ERBB4: variants seen among roughly 807,000 people sequenced by gnomAD.
ERBB4 encodes receptor tyrosine-protein kinase erbB-4.
Under a neutral mutation model 158.0 loss-of-function variants are expected in ERBB4, and 42 were observed. That is an observed-to-expected ratio of 0.27 (90% confidence interval 0.21 to 0.34). The LOEUF is 0.34. Ranked by LOEUF, ERBB4 falls within the 10% of genes least tolerant of loss-of-function variation. ERBB4 has a pLI of 1.00. For synonymous variants in ERBB4, 583 were observed against 558.7 expected (o/e 1.04, Z -0.61); for missense variants, 1,333 against 1,624.1 (o/e 0.82, Z 3.08).
chr2:212,362,811 T>C (rs1454727682), intron 1 of ERBB4, among the ~76,000 whole-genome samples: 2 of 151,164 alleles, frequency 1.3e-5, no homozygotes, highest in Non-Finnish European at 3.0e-5. Flanking sequence ...TAAATACTTC[T>C]TTCATAAAAA....
intron 3 of ERBB4, among the ~76,000 whole-genome samples, chr2:211,936,112 C>T (rs207462844): frequency 7.2e-5 from 11 of 151,938 alleles, no homozygotes; most frequent in Non-Finnish European, 1.5e-4. Flanking sequence ...TAATCCTACC[C>T]AGTATCATCC....
chr2:211,833,626 G>A (rs1248490623), intron 3 of ERBB4, among the ~76,000 whole-genome samples: 3 of 151,958 alleles, frequency 2.0e-5, no homozygotes, highest in African/African-American at 7.2e-5. Context: ...GAAAAGATAT[G>A]AATTTGGATT....
intron 3 of ERBB4, among the ~76,000 whole-genome samples, chr2:211,883,595 C>T (rs986478414): frequency 4.0e-5 from 6 of 151,768 alleles, no homozygotes; most frequent in Non-Finnish European, 7.4e-5. Flanking sequence ...CTGGCCAACA[C>T]GGTTGGTGAA....
At position 212,212,056 on chromosome 2, in the gene ERBB4, G is replaced by T. The variant is rs981036227; in HGVS notation, c.83-87153C>A. 1.1e-4 allele frequency among the ~76,000 whole-genome samples: 17 copies of T among 151,992 alleles called. No homozygotes were observed. In the South Asian group the frequency reaches 3.5e-3, roughly 32 times the overall value. On this transcript the variant is annotated intron_variant, in intron 1 of 27. Coordinates refer to ENST00000342788, the MANE Select transcript of ERBB4 (RefSeq NM_005235.3). ...ATGTGTCTTTACCTTTGAATGATTT[G>T]TATTCCTTTGGGTATATACCCAGTA...
chr2:211,976,022 A>G (rs1277358842), intron 2 of ERBB4, among the ~76,000 whole-genome samples: 1 of 152,200 alleles, frequency 6.6e-6, no homozygotes, highest in Non-Finnish European at 1.5e-5. Flanking sequence ...AATGCAAACC[A>G]TTATAGTTCA....
chr2:212,055,056 G>C (rs1210883525), intron 2 of ERBB4, among the ~76,000 whole-genome samples: 1 of 152,144 alleles, frequency 6.6e-6, no homozygotes, highest in East Asian at 1.9e-4. Flanking sequence ...CCTAGCCAAG[G>C]GAAGCAGTGA....
intron 1 of ERBB4, among the ~76,000 whole-genome samples, chr2:212,368,754 G>A (rs2089981552): frequency 6.6e-6 from 1 of 152,034 alleles, no homozygotes; most frequent in Non-Finnish European, 1.5e-5. Flanking sequence ...CCCATGCCCA[G>A]AGAAACCATA....
chr2:211,704,877 A>AG (rs2073379248), intron 10 of ERBB4, among the ~76,000 whole-genome samples: 1 of 152,186 alleles, frequency 6.6e-6, no homozygotes, highest in African/African-American at 2.4e-5. Flanking sequence ...AAATAACATG[A>AG]GTTTTTACAA....
At chr2:211,583,413 A>C (rs892992194) in intron 19 of ERBB4, among the ~76,000 whole-genome samples, 8 of 151,954 alleles carry the variant, frequency 5.3e-5, no homozygotes, top group African/African-American at 1.9e-4. Context: ...AAAATACTAG[A>C]GCCAAACACA....
intron 19 of ERBB4, among the ~76,000 whole-genome samples, chr2:211,615,186 T>C (rs1272825915): frequency 6.6e-6 from 1 of 152,048 alleles, no homozygotes; most frequent in Non-Finnish European, 1.5e-5. Context: ...TTACTAGGTT[T>C]AAATACTGGG....
intron 25 of ERBB4, among the ~76,000 whole-genome samples, chr2:211,417,909 G>A (rs932674836): frequency 6.6e-6 from 1 of 152,002 alleles, no homozygotes; most frequent in African/African-American, 2.4e-5. Flanking sequence ...AATAAAATTT[G>A]TTTACCTGGC....
intron 1 of ERBB4, among the ~76,000 whole-genome samples, chr2:212,137,718 T>A (rs1166252713): frequency 2.0e-5 from 3 of 152,166 alleles, no homozygotes; most frequent in Admixed American, 1.3e-4. Context: ...TTAAATGGTA[T>A]TTCTGTTTTA....
rs575499065 is a variant in ERBB4 at position 212,506,082 on chromosome 2, T to C, written c.82+32367A>G. On this transcript the variant is annotated intron_variant, in intron 1 of 27. Transcript: ENST00000342788. ...ATAGAATTTTGTGAATTTTGGAAAT[T>C]CTCACAATATTTCAAACTTTATTAT... Among the ~76,000 whole-genome samples, 210 of 149,028 alleles carry C rather than the reference T, an allele frequency of 1.4e-3. 29 individuals are homozygous for C. Among genetic ancestry groups the C allele is most frequent in the Non-Finnish European group, 2.6e-3 (171 of 66,056 alleles).
At chr2:211,750,772 T>C in intron 4 of ERBB4, 68 bp from the exon 5 acceptor site, 1 of 1,315,634 alleles carries the variant, frequency 7.6e-7, no homozygotes, top group Non-Finnish European at 1.1e-6. Context: ...TAGGAGTAAC[T>C]CCTCAAAGGA....
intron 1 of ERBB4, among the ~76,000 whole-genome samples, chr2:212,370,207 C>T (rs1157786224): frequency 2.0e-5 from 3 of 152,102 alleles, no homozygotes; most frequent in African/African-American, 4.8e-5. Flanking sequence ...ATATAAGGGG[C>T]TTCCCCCTTC....
intron 12 of ERBB4, among the ~76,000 whole-genome samples, chr2:211,684,179 C>T (rs1013500888): frequency 2.0e-4 from 31 of 152,102 alleles, no homozygotes; most frequent in African/African-American, 5.6e-4. Context: ...TGGCCGGACA[C>T]GGTGGCTCAT....
intron 1 of ERBB4, among the ~76,000 whole-genome samples, chr2:212,486,687 A>G (rs1170623567): frequency 6.6e-6 from 1 of 152,168 alleles, no homozygotes; most frequent in Admixed American, 6.5e-5. Context: ...CTGGATGGAG[A>G]AAGTGGTGGG....
intron 1 of ERBB4, among the ~76,000 whole-genome samples, chr2:212,503,467 T>A (rs1386762417): frequency 2.0e-5 from 3 of 152,350 alleles, no homozygotes; most frequent in South Asian, 2.1e-4. Context: ...ATGGACTGCA[T>A]TTATATCACT....
intron 1 of ERBB4, among the ~76,000 whole-genome samples, chr2:212,134,494 T>G (rs2080206849): frequency 6.6e-6 from 1 of 151,900 alleles, no homozygotes; most frequent in East Asian, 1.9e-4. Context: ...ATTAGCAAAA[T>G]AGGAAATGTG....
Sources: allele counts gnomAD v4.1 joint callset (sites outside exome capture counted in the v4.1 genomes callset), GRCh38; gene constraint gnomAD v4.1.1; transcripts MANE v1.5; gene names NCBI Gene and HGNC (gene_info 2026-07-23, HGNC 2026-07-21).